The following RBM20 variants were observed in gnomAD, a reference collection of about 807,000 sequenced individuals.
RBM20 encodes the protein RNA binding motif protein 20, also known as RNA-binding protein 20.
In RBM20, 51 loss-of-function variants were observed where a neutral mutation model predicts 110.1. That is an observed-to-expected ratio of 0.46 (90% CI 0.37 to 0.59). RBM20 has a LOEUF of 0.59. Among genes scored for constraint, RBM20 ranks in the 20% least tolerant of loss-of-function variants. The probability of loss-of-function intolerance (pLI) is 0.00; values close to 1 mark genes in which losing one functional copy is unlikely to be tolerated. For synonymous variants in RBM20, 589 were observed against 618.2 expected, an observed-to-expected ratio of 0.95 and a Z score of 0.70; for missense variants, 1,512 against 1,574.9, an observed-to-expected ratio of 0.96 and a Z score of 0.68.
At chr10:110,780,346 A>C (rs1844320812) in intron 1 of RBM20, among the ~76,000 whole-genome samples, 1 of 152,130 alleles carries the variant, frequency 6.6e-6, no homozygotes, top group Admixed American at 6.5e-5. Flanking sequence ...TTTTGTCTGC[A>C]TTTGAGCTCA....
chr10:110,804,755 C>T (rs746248871), intron 7 of RBM20, among the ~76,000 whole-genome samples: 2 of 152,166 alleles, frequency 1.3e-5, no homozygotes, highest in Non-Finnish European at 2.9e-5. Context: ...ATGGAAACTT[C>T]GTCAATAAGT....
At chr10:110,681,350 A>G (rs1246884286) in intron 1 of RBM20, among the ~76,000 whole-genome samples, 1 of 152,266 alleles carries the variant, frequency 6.6e-6, no homozygotes, top group African/African-American at 2.4e-5. Flanking sequence ...AAATGGCACA[A>G]GAGAGATTTA....
At chr10:110,654,914 A>T (rs1235576408) in intron 1 of RBM20, among the ~76,000 whole-genome samples, 2 of 152,236 alleles carry the variant, frequency 1.3e-5, no homozygotes, top group Non-Finnish European at 2.9e-5. Context: ...TATTCTAAAC[A>T]GTTGAGGTAT....
At chr10:110,793,189 G>A (rs371192054) in intron 5 of RBM20, among the ~76,000 whole-genome samples, 4 of 152,170 alleles carry the variant, frequency 2.6e-5, no homozygotes, top group African/African-American at 4.8e-5. Flanking sequence ...CCTAATCAGC[G>A]GCTGAGCTGG....
At chr10:110,817,106 G>A (rs969317892) in intron 9 of RBM20, among the ~76,000 whole-genome samples, 4 of 152,156 alleles carry the variant, frequency 2.6e-5, no homozygotes, top group Non-Finnish European at 4.4e-5. Flanking sequence ...GGGAGGGTTC[G>A]AGAGTGGCAG....
At chr10:110,809,034 G>A (rs1844730208) in intron 7 of RBM20, among the ~76,000 whole-genome samples, 1 of 151,836 alleles carries the variant, frequency 6.6e-6, no homozygotes, top group Admixed American at 6.6e-5. Flanking sequence ...TGGCAACATA[G>A]CGAGACCTTG....
At chr10:110,823,249 T>C (rs1212121211) in intron 11 of RBM20, among the ~76,000 whole-genome samples, 1 of 152,132 alleles carries the variant, frequency 6.6e-6, no homozygotes, top group East Asian at 1.9e-4. Context: ...AATGCAAACA[T>C]TTGCCAAGTT....
chr10:110,776,197 G>C (rs11598597), intron 1 of RBM20, among the ~76,000 whole-genome samples: 57,567 of 151,944 alleles, frequency 0.38, 11,516 homozygotes, highest in Middle Eastern at 0.49. Flanking sequence ...TGTTTGGTCA[G>C]ATGGTCTGTA....
chr10:110,712,276 A>G (rs532353700), intron 1 of RBM20, among the ~76,000 whole-genome samples: 2 of 152,256 alleles, frequency 1.3e-5, no homozygotes, highest in South Asian at 4.2e-4. Flanking sequence ...CATCCCTAAG[A>G]TATTGTGTAT....
intron 1 of RBM20, among the ~76,000 whole-genome samples, chr10:110,680,159 A>G (rs1210157359): frequency 6.6e-6 from 1 of 151,958 alleles, no homozygotes; most frequent in Non-Finnish European, 1.5e-5. Flanking sequence ...GGGGAGAGCA[A>G]TTAGTTTGTT....
intron 1 of RBM20, among the ~76,000 whole-genome samples, chr10:110,727,681 C>T (rs186644341): frequency 6.6e-6 from 1 of 152,172 alleles, no homozygotes; most frequent in East Asian, 1.9e-4. Flanking sequence ...ATGTGCTGAA[C>T]GTGCAGGTTT....
At chr10:110,691,756 G>T (rs1862589049) in intron 1 of RBM20, among the ~76,000 whole-genome samples, 2 of 152,018 alleles carry the variant, frequency 1.3e-5, no homozygotes, top group Admixed American at 6.6e-5. Context: ...GTCCTTTAAT[G>T]CATGAAAGTT....
chr10:110,750,186 T>G (rs191557233), intron 1 of RBM20, among the ~76,000 whole-genome samples: 1 of 152,364 alleles, frequency 6.6e-6, no homozygotes, highest in East Asian at 1.9e-4. Context: ...ACACAAGGGC[T>G]TGTTACACTT....
Position 110,705,802 on chromosome 10 carries a change from C to T in RBM20, c.191+61157C>T, listed in dbSNP as rs780772994. Among the ~76,000 whole-genome samples, 8 of 152,160 alleles carry T rather than the reference C, an allele frequency of 5.3e-5. No homozygotes were observed. In the East Asian group the frequency reaches 1.3e-3, roughly 26 times the overall value. ...ATTGTTTAGACTACTGACGCTTGGC[C>T]GGATGCAGTGGCTCATGCTTCTAAT... On this transcript the variant is annotated intron_variant, in intron 1 of 13. Coordinates refer to ENST00000369519, the MANE Select transcript of RBM20 (RefSeq NM_001134363.3).
chr10:110,774,824 G>T (rs1844240249), intron 1 of RBM20, among the ~76,000 whole-genome samples: 1 of 152,078 alleles, frequency 6.6e-6, no homozygotes, highest in Non-Finnish European at 1.5e-5. Flanking sequence ...TGTTGTCATT[G>T]TCACCTTTGT....
intron 1 of RBM20, among the ~76,000 whole-genome samples, chr10:110,775,350 A>T (rs1278492505): frequency 6.6e-6 from 1 of 152,224 alleles, no homozygotes; most frequent in African/African-American, 2.4e-5. Flanking sequence ...TATTGTGCTT[A>T]TTGCAGATGT....
chr10:110,820,352 G>A (rs1475149184), intron 10 of RBM20, among the ~76,000 whole-genome samples, 176 bp downstream of exon 10: 3 of 152,148 alleles, frequency 2.0e-5, no homozygotes, highest in Non-Finnish European at 2.9e-5. Context: ...TGGAATCTTC[G>A]GACAGTTTTT....
intron 1 of RBM20, among the ~76,000 whole-genome samples, chr10:110,703,838 A>G (rs1862794874): frequency 6.6e-6 from 1 of 152,216 alleles, no homozygotes; most frequent in African/African-American, 2.4e-5. Context: ...CAGGCCAGGC[A>G]TGGTGGCTCA....
chr10:110,797,157 G>A (rs919643134), intron 5 of RBM20, among the ~76,000 whole-genome samples: 5 of 152,108 alleles, frequency 3.3e-5, no homozygotes, highest in African/African-American at 1.2e-4. Flanking sequence ...TTATGAAATG[G>A]TGGTGCATGC....
Sources: gnomAD v4.1 joint callset for allele counts (sites outside exome capture counted in the v4.1 genomes callset) on GRCh38, gnomAD v4.1.1 for gene constraint, MANE v1.5 for transcripts, NCBI Gene and HGNC (gene_info 2026-07-23, HGNC 2026-07-21) for gene names.